TXNDC16: variants seen among roughly 807,000 people sequenced by gnomAD.
TXNDC16 encodes the protein thioredoxin domain-containing protein 16.
In TXNDC16, 74 loss-of-function variants were observed where a neutral mutation model predicts 85.6. That is an observed-to-expected ratio of 0.86 (90% CI 0.72 to 1.05). TXNDC16 has a LOEUF of 1.05. TXNDC16 is among the 50% of genes least tolerant of loss of function. The pLI is 0.00. For synonymous variants in TXNDC16, 335 were observed against 326.5 expected, an observed-to-expected ratio of 1.03 and a Z score of -0.28; for missense variants, 959 against 947.0, an observed-to-expected ratio of 1.01 and a Z score of -0.17.
Position 52,470,147 on chromosome 14 carries a change from A to G in TXNDC16, c.1508T>C (p.Ile503Thr). Residue 503 changes from isoleucine to threonine, a missense_variant, in exon 16 of 21, where the codon ATA becomes ACA. Ile to Thr is a moderately conservative substitution (Grantham distance 89, BLOSUM62 -1). Coordinates refer to ENST00000281741, the MANE Select transcript of TXNDC16 (RefSeq NM_020784.3). ...QLNRISYPVN[I>T]TSIQEAEEYL... ...TTCTTCTGCTTCTTGGATCGATGTT[A>G]TATTCACTGGATATGAAATCCTGTT... 1.2e-6 allele frequency: 2 copies of G among 1,607,020 alleles called. No homozygotes were observed. The highest frequency in any genetic ancestry group is 4.5e-5 in the East Asian group (2 of 44,610).
At chr14:52,501,327 G>A (rs1253542528) in intron 9 of TXNDC16, among the ~76,000 whole-genome samples, 1 of 152,082 alleles carries the variant, frequency 6.6e-6, no homozygotes, top group African/African-American at 2.4e-5. Flanking sequence ...ATGCTTAGAA[G>A]TGAACTAATA....
chr14:52,469,967 T>A, intron 16 of TXNDC16, 70 bp downstream of exon 16: 1 of 1,379,488 alleles, frequency 7.2e-7, no homozygotes, highest in Non-Finnish European at 9.7e-7. Flanking sequence ...TAAAAAGATA[T>A]TCTTAAAAAA....
intron 12 of TXNDC16, among the ~76,000 whole-genome samples, chr14:52,487,660 CTAA>C (rs1370184450): frequency 6.6e-6 from 1 of 152,130 alleles, no homozygotes; most frequent in Non-Finnish European, 1.5e-5. Flanking sequence ...TTGACTGTCA[CTAA>C]TAATAAGATT....
At chr14:52,482,094 C>T in intron 14 of TXNDC16, 136 bp downstream of exon 14, 1 of 689,628 alleles carries the variant, frequency 1.5e-6, no homozygotes, top group Non-Finnish European at 2.3e-6. Context: ...ACTCCTGGTT[C>T]ATTAACTTAA....
rs759747540 is a variant in TXNDC16 at position 52,470,551 on chromosome 14, C to G, written c.1442G>C (p.Gly481Ala). 3.1e-6 allele frequency: 5 copies of G among 1,613,484 alleles called. No homozygotes were observed. In the South Asian group the frequency reaches 4.4e-5, roughly 14 times the overall value. ...TAGGAGATCTTCGGTTCCTAACATT[C>G]CAGCATAAGATACTGGGTTCTCGCC... ...KKGENPVSYA[G>A]MLGTEDLLKF... The change falls in exon 15 of 21, where the codon GGA (glycine) becomes GCA (alanine). Residue 481 changes from glycine (G) to alanine (A), a missense_variant. Transcript: ENST00000281741.
chr14:52,486,424 C>G (rs1166899356), intron 12 of TXNDC16, among the ~76,000 whole-genome samples: 3 of 151,878 alleles, frequency 2.0e-5, no homozygotes, highest in Non-Finnish European at 4.4e-5. Context: ...GCTGGGATTA[C>G]AGGCACATAC....
intron 18 of TXNDC16, among the ~76,000 whole-genome samples, chr14:52,445,669 C>T (rs974023689): frequency 6.6e-6 from 1 of 152,090 alleles, no homozygotes; most frequent in African/African-American, 2.4e-5. Context: ...AAGATTATAC[C>T]ATGTTTTTAC....
chr14:52,519,100 C>T, intron 7 of TXNDC16, 72 bp downstream of exon 7: 1 of 1,399,772 alleles, frequency 7.1e-7, no homozygotes, highest in Non-Finnish European at 9.6e-7. Context: ...CAAAAAAATA[C>T]ACTATTTTAA....
intron 7 of TXNDC16, among the ~76,000 whole-genome samples, chr14:52,518,188 T>C (rs892404059): frequency 1.3e-5 from 2 of 152,206 alleles, no homozygotes; most frequent in Admixed American, 6.5e-5. Flanking sequence ...ATAGGTTCAG[T>C]CTTCTCTTTT....
chr14:52,474,459 G>C (rs951516743), intron 14 of TXNDC16, among the ~76,000 whole-genome samples: 4 of 152,190 alleles, frequency 2.6e-5, no homozygotes, highest in African/African-American at 7.2e-5. Context: ...AAAATGATTA[G>C]AGGCTGGGCG....
chr14:52,437,793 C>T (rs775055090), intron 20 of TXNDC16, among the ~76,000 whole-genome samples: 4 of 152,076 alleles, frequency 2.6e-5, no homozygotes, highest in African/African-American at 4.8e-5. Context: ...GACATTCAAA[C>T]GGAAAATAGG....
chr14:52,443,259 G>A (rs2035206446), intron 18 of TXNDC16, among the ~76,000 whole-genome samples: 1 of 152,144 alleles, frequency 6.6e-6, no homozygotes, highest in African/African-American at 2.4e-5. Context: ...CTCCTGTGCT[G>A]GATGCTTCCT....
chr14:52,549,751 T>G (rs1338016593), intron 1 of TXNDC16, among the ~76,000 whole-genome samples: 3 of 151,806 alleles, frequency 2.0e-5, no homozygotes, highest in African/African-American at 2.4e-5. Flanking sequence ...CATTCTCCTG[T>G]CTCAGCCTCC....
At chr14:52,534,425 C>T (rs1049832330) in intron 6 of TXNDC16, among the ~76,000 whole-genome samples, 5 of 152,034 alleles carry the variant, frequency 3.3e-5, no homozygotes, top group Non-Finnish European at 7.4e-5. Flanking sequence ...TTTTTAAGCT[C>T]GTCAGCTATC....
At chr14:52,508,422 G>A (rs574353245) in intron 9 of TXNDC16, among the ~76,000 whole-genome samples, 3 of 152,296 alleles carry the variant, frequency 2.0e-5, no homozygotes, top group East Asian at 1.9e-4. Context: ...AACAACAGGC[G>A]CTGGAGGGGA....
chr14:52,441,792 C>T (rs2035172253), intron 18 of TXNDC16, among the ~76,000 whole-genome samples: 1 of 152,158 alleles, frequency 6.6e-6, no homozygotes, highest in Non-Finnish European at 1.5e-5. Context: ...GGCCACTGCA[C>T]TCTTTTTATC....
At chr14:52,509,134 T>C (rs955337843) in intron 9 of TXNDC16, among the ~76,000 whole-genome samples, 28 of 152,048 alleles carry the variant, frequency 1.8e-4, no homozygotes, top group Admixed American at 1.8e-3. Context: ...CCTTATTATC[T>C]ATCAAAGAAA....
chr14:52,485,459 G>A (rs903238059), intron 12 of TXNDC16, among the ~76,000 whole-genome samples: 24 of 152,046 alleles, frequency 1.6e-4, no homozygotes, highest in African/African-American at 5.8e-4. Flanking sequence ...ATTTAGTACA[G>A]CCTAAGTGTA....
Position 52,440,692 on chromosome 14 carries a change from A to G in TXNDC16, c.1875T>C (p.Tyr625=). The change falls in exon 19 of 21, where the codon TAT becomes TAC. Residue 625 remains tyrosine, a synonymous_variant. Coordinates refer to ENST00000281741, the MANE Select transcript of TXNDC16 (RefSeq NM_020784.3). ...TCAATAATGGTTTCTGAAGTCTGAA[A>G]TAACTGGGAAGATTTTCCACAGTGA... ...PEITVENLPS[Y]FRLQKPLLIL... 6.2e-7 allele frequency: 1 copy of G among 1,607,290 alleles called. No individual in the cohort carries two copies. Among genetic ancestry groups the G allele is most frequent in the Non-Finnish European group, 8.5e-7 (1 of 1,178,370 alleles).
Sources: gnomAD v4.1 joint callset for allele counts (sites outside exome capture counted in the v4.1 genomes callset) on GRCh38, gnomAD v4.1.1 for gene constraint, MANE v1.5 for transcripts, NCBI Gene and HGNC (gene_info 2026-07-23, HGNC 2026-07-21) for gene names.